The following PIP4K2A variants were observed in gnomAD, a reference collection of about 807,000 sequenced individuals.
PIP4K2A encodes the protein phosphatidylinositol-5-phosphate 4-kinase type 2 alpha.
A neutral mutation model predicts 42.9 loss-of-function variants in PIP4K2A; 14 were observed. That is an observed-to-expected ratio of 0.33 (90% CI 0.22 to 0.51). The LOEUF (loss-of-function observed/expected upper bound fraction) is 0.51, where lower values mean the gene tolerates loss of function less well. PIP4K2A is among the 20% of genes least tolerant of loss of function. The pLI is 0.97. For missense variants in PIP4K2A, 434 were observed against 519.8 expected (o/e 0.83, Z 1.61); for synonymous variants, 192 against 192.2 (o/e 1.00, Z 0.01).
Position 22,714,449 on chromosome 10 carries a change from T to TCCGC in PIP4K2A, c.-127_-124dup. On this transcript the variant is annotated 5_prime_UTR_variant, in exon 1 of 10. Transcript: ENST00000376573. Reference sequence around the variant, plus strand: ...GCGGCCCCGGCGCGCCGCGCTCCGCTCCGCCCGCCGCCGCCGGCGCGCTCA... The same window carrying TCCGC: ...GCGGCCCCGGCGCGCCGCGCTCCGCTCCGCCCGCCCGCCGCCGCCGGCGCGCTCA... The TCCGC allele has an allele frequency of 1.9e-6, 1 of 517,814 alleles. No homozygotes were observed. Among genetic ancestry groups the TCCGC allele is most frequent in the Non-Finnish European group, 2.5e-6 (1 of 402,392 alleles). 32.1% of individuals were successfully genotyped at this position (517,814 alleles called of 1,614,324 possible).
chr10:22,665,483 C>T (rs536321157), intron 1 of PIP4K2A, among the ~76,000 whole-genome samples: 29 of 152,058 alleles, frequency 1.9e-4, no homozygotes, highest in Non-Finnish European at 4.0e-4. Context: ...ACTCTGTCAC[C>T]CGTGCTGGAG....
intron 1 of PIP4K2A, among the ~76,000 whole-genome samples, chr10:22,678,904 T>C (rs1839611430): frequency 6.6e-6 from 1 of 152,238 alleles, no homozygotes; most frequent in Admixed American, 6.5e-5. Flanking sequence ...AAAGAATGTG[T>C]TCCCTATGTA....
chr10:22,626,066 T>C (rs113375612), intron 1 of PIP4K2A, among the ~76,000 whole-genome samples: 177 of 152,202 alleles, frequency 1.2e-3, no homozygotes, highest in Middle Eastern at 6.8e-3. Context: ...GATGACATTA[T>C]AGCCATCCTG....
chr10:22,710,837 A>C (rs1833900077), intron 1 of PIP4K2A, among the ~76,000 whole-genome samples: 1 of 152,220 alleles, frequency 6.6e-6, no homozygotes, highest in Non-Finnish European at 1.5e-5. Context: ...CTATACAGAT[A>C]ATGTTTTCCT....
chr10:22,612,628 A>G (rs1421371505), intron 1 of PIP4K2A, among the ~76,000 whole-genome samples: 2 of 152,156 alleles, frequency 1.3e-5, no homozygotes, highest in Non-Finnish European at 2.9e-5. Flanking sequence ...AGAAGCAGAG[A>G]GACTCCGGCA....
At chr10:22,617,576 C>A (rs969473805) in intron 1 of PIP4K2A, among the ~76,000 whole-genome samples, 1 of 152,160 alleles carries the variant, frequency 6.6e-6, no homozygotes, top group African/African-American at 2.4e-5. Flanking sequence ...ACCAAAAAAG[C>A]CTCTCACATG....
intron 6 of PIP4K2A, among the ~76,000 whole-genome samples, chr10:22,556,160 G>A (rs867608347): frequency 1.4e-4 from 21 of 152,074 alleles, no homozygotes; most frequent in Admixed American, 6.5e-4. Context: ...CATACATGAG[G>A]GCAAAGTTAG....
chr10:22,654,573 C>T (rs1262418598), intron 1 of PIP4K2A, among the ~76,000 whole-genome samples: 3 of 152,102 alleles, frequency 2.0e-5, no homozygotes, highest in Non-Finnish European at 4.4e-5. Flanking sequence ...GTGAAGCTGT[C>T]GCTGAGAAAC....
At chr10:22,603,628 T>C (rs1294396863) in intron 3 of PIP4K2A, among the ~76,000 whole-genome samples, 1 of 152,204 alleles carries the variant, frequency 6.6e-6, no homozygotes. Context: ...CCCTTTCTTC[T>C]CTCTGCATTC....
At chr10:22,703,270 A>T (rs1283079711) in intron 1 of PIP4K2A, among the ~76,000 whole-genome samples, 1 of 152,054 alleles carries the variant, frequency 6.6e-6, no homozygotes, top group African/African-American at 2.4e-5. Context: ...TTATCCAGGC[A>T]TGGTGGTGCA....
intron 1 of PIP4K2A, among the ~76,000 whole-genome samples, chr10:22,667,300 AAAAG>A (rs1217964589): frequency 6.6e-6 from 1 of 152,260 alleles, no homozygotes; most frequent in African/African-American, 2.4e-5. Flanking sequence ...TCAAGTGGAA[AAAAG>A]AAAGCAACCA....
chr10:22,565,463 C>T (rs1836823939), intron 6 of PIP4K2A, among the ~76,000 whole-genome samples: 1 of 152,190 alleles, frequency 6.6e-6, no homozygotes, highest in Non-Finnish European at 1.5e-5. Flanking sequence ...TTCATGGACA[C>T]TTATCACTTC....
intron 1 of PIP4K2A, among the ~76,000 whole-genome samples, chr10:22,616,106 A>G (rs1838172321): frequency 6.6e-6 from 1 of 152,174 alleles, no homozygotes; most frequent in Non-Finnish European, 1.5e-5. Flanking sequence ...GCATCAATAG[A>G]AACAGGGTCA....
intron 9 of PIP4K2A, chr10:22,539,739 A>T: frequency 1.9e-6 from 1 of 519,870 alleles, no homozygotes; most frequent in Non-Finnish European, 3.5e-6. Context: ...GTGAGCAGTA[A>T]GCGTTTGTGG....
At chr10:22,640,903 A>G (rs943470739) in intron 1 of PIP4K2A, among the ~76,000 whole-genome samples, 1 of 152,232 alleles carries the variant, frequency 6.6e-6, no homozygotes, top group Non-Finnish European at 1.5e-5. Flanking sequence ...TAGTGGGAAA[A>G]TAACAGGCAA....
chr10:22,658,936 T>C (rs1470825326), intron 1 of PIP4K2A, among the ~76,000 whole-genome samples: 2 of 152,254 alleles, frequency 1.3e-5, no homozygotes, highest in Non-Finnish European at 2.9e-5. Context: ...ATCTTTCTGA[T>C]AAGGGCTCCA....
At chr10:22,605,338 T>C (rs555683175) in intron 3 of PIP4K2A, among the ~76,000 whole-genome samples, 13 of 152,234 alleles carry the variant, frequency 8.5e-5, no homozygotes, top group Non-Finnish European at 1.6e-4. Context: ...TTAACGGACT[T>C]GCCAATTAGT....
chr10:22,694,926 A>G (rs2130905529), intron 1 of PIP4K2A, among the ~76,000 whole-genome samples: 1 of 152,364 alleles, frequency 6.6e-6, no homozygotes, highest in Admixed American at 6.5e-5. Context: ...AAAAATTTTT[A>G]TCTAACTGGT....
chr10:22,567,747 A>G (rs923198844), intron 6 of PIP4K2A, 104 bp downstream of exon 6: 2 of 975,620 alleles, frequency 2.0e-6, no homozygotes, highest in Admixed American at 3.4e-5. Context: ...GAACAGGAAG[A>G]ACCACAATAG....
Sources: allele counts gnomAD v4.1 joint callset (sites outside exome capture counted in the v4.1 genomes callset), GRCh38; gene constraint gnomAD v4.1.1; transcripts MANE v1.5; gene names NCBI Gene and HGNC (gene_info 2026-07-23, HGNC 2026-07-21).